RUNX1: variants seen among roughly 807,000 people sequenced by gnomAD.
RUNX1 encodes the protein RUNX family transcription factor 1, also known as runt-related transcription factor 1.
Under a neutral mutation model 42.8 loss-of-function variants are expected in RUNX1, and 19 were observed. The ratio of observed to expected loss-of-function variants is 0.44; its 90% CI spans 0.31 to 0.65. The LOEUF is 0.65. Among genes scored for constraint, RUNX1 ranks in the 30% least tolerant of loss-of-function variants. The pLI is 0.07. For synonymous variants in RUNX1, 271 were observed against 289.4 expected, an observed-to-expected ratio of 0.94 and a Z score of 0.64; for missense variants, 528 against 672.0, an observed-to-expected ratio of 0.79 and a Z score of 2.37.
chr21:34,951,523 A>G (rs1286946721), intron 2 of RUNX1, among the ~76,000 whole-genome samples: 1 of 152,254 alleles, frequency 6.6e-6, no homozygotes, highest in Admixed American at 6.5e-5. Flanking sequence ...GAACTTAAAC[A>G]AATTTACAAG....
At chr21:34,994,241 A>G (rs2058975759) in intron 2 of RUNX1, among the ~76,000 whole-genome samples, 1 of 152,224 alleles carries the variant, frequency 6.6e-6, no homozygotes, top group Non-Finnish European at 1.5e-5. Flanking sequence ...AGAAAATTAA[A>G]AAAAAAACTT....
chr21:34,936,266 C>T (rs1398627670), intron 2 of RUNX1, among the ~76,000 whole-genome samples: 1 of 149,616 alleles, frequency 6.7e-6, no homozygotes, highest in Non-Finnish European at 1.5e-5. Context: ...AGAATTCAGC[C>T]CCCCTCTTTT....
At position 34,792,291 on chromosome 21, in the gene RUNX1, C is replaced by T. The variant is rs1213507506; in HGVS notation, c.1287G>A (p.Leu429=). 3 of 1,540,942 alleles carry T rather than the reference C, an allele frequency of 1.9e-6. No individual in the cohort carries two copies. Among genetic ancestry groups the T allele is most frequent in the Non-Finnish European group, 1.7e-6 (2 of 1,145,706 alleles). ...VGGERSPPRI[L]PPCTNASTGS... ...CGGTGGAGGCGTTGGTGCAGGGCGG[C>T]AGGATGCGCGGCGGCGAGCGCTCGC... The change falls in exon 9 of 9, where the codon CTG becomes CTA. Residue 429 remains leucine, a synonymous_variant. Coordinates refer to ENST00000675419, the MANE Select transcript of RUNX1 (RefSeq NM_001754.5). The surrounding 1 kb of genome is among the most constrained non-coding windows in gnomAD (Gnocchi z 6.9).
At chr21:34,846,911 C>A (rs1406698768) in intron 6 of RUNX1, among the ~76,000 whole-genome samples, 1 of 152,214 alleles carries the variant, frequency 6.6e-6, no homozygotes, top group Admixed American at 6.5e-5. Context: ...AAGATTCTCA[C>A]CTCCAAGCAG....
intron 2 of RUNX1, among the ~76,000 whole-genome samples, chr21:34,919,961 G>T (rs111246646): frequency 6.6e-6 from 1 of 152,166 alleles, no homozygotes; most frequent in Non-Finnish European, 1.5e-5. Flanking sequence ...CAGGCTCTGC[G>T]TTAGGTACTT....
chr21:34,951,617 T>C (rs1442495844), intron 2 of RUNX1, among the ~76,000 whole-genome samples: 9 of 151,988 alleles, frequency 5.9e-5, no homozygotes, highest in South Asian at 2.1e-4. Flanking sequence ...CCAACAGACA[T>C]ATGAAAAAAT....
intron 2 of RUNX1, among the ~76,000 whole-genome samples, chr21:35,032,462 C>T (rs1030806888): frequency 1.3e-5 from 2 of 152,196 alleles, no homozygotes; most frequent in African/African-American, 4.8e-5. Flanking sequence ...CCTTTCTGTT[C>T]TTTGATTGAT....
intron 5 of RUNX1, among the ~76,000 whole-genome samples, chr21:34,863,401 C>A (rs189956062): frequency 3.9e-5 from 6 of 152,316 alleles, no homozygotes; most frequent in African/African-American, 1.4e-4. Flanking sequence ...TCTTACTGAG[C>A]TGCGTTTGGG....
chr21:34,798,204 C>A, intron 8 of RUNX1: 1 of 449,558 alleles, frequency 2.2e-6, no homozygotes, highest in Non-Finnish European at 4.5e-6. Context: ...AAGCAAGACC[C>A]GCCCCGTTCC....
At chr21:34,880,255 AAGTC>A (rs2057875143) in intron 5 of RUNX1, among the ~76,000 whole-genome samples, 1 of 152,230 alleles carries the variant, frequency 6.6e-6, no homozygotes, top group Admixed American at 6.5e-5. Context: ...AGTTTCATTA[AAGTC>A]AGTTTTATAT....
Position 34,789,851 on chromosome 21 carries a change from T to A in RUNX1, c.*2284A>T, listed in dbSNP as rs2056413591. The A allele has an allele frequency of 8.6e-6, 2 of 233,236 alleles. No homozygotes were observed. Among genetic ancestry groups the A allele is most frequent in the South Asian group, 1.8e-4 (1 of 5,534 alleles). 14.4% of individuals were successfully genotyped at this position (233,236 alleles called of 1,614,324 possible). A position where few individuals can be genotyped will look rare whatever the true frequency, so the allele number is the denominator to read the frequency against. ...GGTTTTGAGTTGGAATATCTTCAGT[T>A]AACAGAATTAAACTGAAAAACATAA... On this transcript the variant is annotated 3_prime_UTR_variant, in exon 9 of 9. Transcript: ENST00000675419.
At chr21:34,814,022 G>A (rs2834642) in intron 7 of RUNX1, among the ~76,000 whole-genome samples, 63,663 of 151,830 alleles carry the variant, frequency 0.42, 13,406 homozygotes, top group Admixed American at 0.43. Context: ...TGTACTGACA[G>A]AACAAAAAGA....
chr21:34,809,831 A>C (rs565352837), intron 7 of RUNX1, among the ~76,000 whole-genome samples: 1 of 152,118 alleles, frequency 6.6e-6, no homozygotes, highest in African/African-American at 2.4e-5. Context: ...GCACGCAAGA[A>C]AAAAAAAGAA....
At chr21:34,878,412 C>G (rs2057848801) in intron 5 of RUNX1, among the ~76,000 whole-genome samples, 1 of 148,160 alleles carries the variant, frequency 6.7e-6, no homozygotes, top group Non-Finnish European at 1.5e-5. Flanking sequence ...TCAAGACCAA[C>G]AATATTCATA....
chr21:34,851,232 A>G (rs892880941), intron 6 of RUNX1, among the ~76,000 whole-genome samples: 2 of 152,136 alleles, frequency 1.3e-5, no homozygotes, highest in Admixed American at 1.3e-4. Context: ...CGTCTATCTC[A>G]TGTACCACCT....
intron 7 of RUNX1, among the ~76,000 whole-genome samples, chr21:34,806,263 T>C (rs2056678228): frequency 6.6e-6 from 1 of 152,150 alleles, no homozygotes; most frequent in Admixed American, 6.5e-5. Flanking sequence ...AAAATATTTA[T>C]ACAGATTACA....
At chr21:34,953,063 G>A (rs1337205333) in intron 2 of RUNX1, among the ~76,000 whole-genome samples, 1 of 151,672 alleles carries the variant, frequency 6.6e-6, no homozygotes, top group Non-Finnish European at 1.5e-5. Flanking sequence ...AAGCACAAAG[G>A]CACAAAGACT....
intron 2 of RUNX1, among the ~76,000 whole-genome samples, chr21:35,018,176 C>T (rs1173590757): frequency 6.6e-6 from 1 of 152,142 alleles, no homozygotes; most frequent in African/African-American, 2.4e-5. Flanking sequence ...CAGGCACATG[C>T]CACCATGTCC....
chr21:34,885,601 A>G (rs886783756), intron 4 of RUNX1, among the ~76,000 whole-genome samples: 1 of 152,252 alleles, frequency 6.6e-6, no homozygotes, highest in African/African-American at 2.4e-5. Flanking sequence ...CTAAGTGTGG[A>G]AACTGTATAA....
Sources: gnomAD v4.1 joint callset for allele counts (sites outside exome capture counted in the v4.1 genomes callset) on GRCh38, gnomAD v4.1.1 for gene constraint, Gnocchi (gnomAD v3.1) non-coding constraint, MANE v1.5 for transcripts, NCBI Gene and HGNC (gene_info 2026-07-23, HGNC 2026-07-21) for gene names.